Variants in MAGI2 observed in about 807,000 individuals in gnomAD.
The protein encoded by MAGI2 is membrane associated guanylate kinase, WW and PDZ domain containing 2, also known as membrane-associated guanylate kinase, WW and PDZ domain-containing protein 2.
MAGI2 carries 35 observed loss-of-function variants against 133.3 expected under a neutral mutation model. That is an observed-to-expected ratio of 0.26 (90% CI 0.20 to 0.35). The LOEUF (loss-of-function observed/expected upper bound fraction) is 0.35, where lower values mean the gene tolerates loss of function less well. Ranked by LOEUF, MAGI2 falls within the 10% of genes least tolerant of loss-of-function variation. MAGI2 has a pLI of 1.00. For missense variants in MAGI2, 1,636 were observed against 1,863.4 expected, an observed-to-expected ratio of 0.88 and a Z score of 2.25; for synonymous variants, 729 against 710.6, an observed-to-expected ratio of 1.03 and a Z score of -0.41.
chr7:79,186,232 A>ATATATT (rs1827118941), intron 1 of MAGI2, among the ~76,000 whole-genome samples: 2 of 125,028 alleles, frequency 1.6e-5, no homozygotes, highest in Admixed American at 8.0e-5. Flanking sequence ...ATATATATAT[A>ATATATT]TATATATATA....
chr7:79,038,577 G>C (rs1189936261), intron 1 of MAGI2, among the ~76,000 whole-genome samples: 1 of 151,956 alleles, frequency 6.6e-6, no homozygotes, highest in Non-Finnish European at 1.5e-5. Context: ...CTTGTTTTTA[G>C]ACAAAAGGTA....
chr7:78,035,393 G>A (rs561879519), intron 21 of MAGI2, among the ~76,000 whole-genome samples: 1 of 152,272 alleles, frequency 6.6e-6, no homozygotes, highest in South Asian at 2.1e-4. Context: ...AGAGCCTCAG[G>A]GCTCCAGCTT....
At chr7:79,306,694 C>G (rs911292427) in intron 1 of MAGI2, among the ~76,000 whole-genome samples, 7 of 152,136 alleles carry the variant, frequency 4.6e-5, no homozygotes, top group African/African-American at 1.7e-4. Flanking sequence ...CAAACCATGA[C>G]ACTTCAGTGG....
chr7:78,217,338 G>T (rs932521798), intron 10 of MAGI2, among the ~76,000 whole-genome samples: 1 of 152,192 alleles, frequency 6.6e-6, no homozygotes, highest in Non-Finnish European at 1.5e-5. Context: ...TGAGGGCAGG[G>T]ATCTTACGTG....
intron 2 of MAGI2, among the ~76,000 whole-genome samples, chr7:78,718,832 A>G (rs1819979792): frequency 6.6e-6 from 1 of 152,138 alleles, no homozygotes; most frequent in Non-Finnish European, 1.5e-5. Context: ...CCTGGTGCCC[A>G]AAAGGTTAGG....
At position 78,019,703 on chromosome 7, in the gene MAGI2, C is replaced by T. The variant is rs1808125782; in HGVS notation, c.3980G>A (p.Arg1327Lys). ...SASPQRAARPRLEEAPGGQGR... is the reference protein window; with the variant it reads ...SASPQRAARPKLEEAPGGQGR... ...CTGGCCGCCGGGCGCCTCCTCGAGC[C>T]TCGGCCGCGCGGCCCTCTGCGGACT... The change falls in exon 22 of 22, where the codon AGG (arginine) becomes AAG (lysine). Residue 1327 changes from arginine (R) to lysine (K), a missense_variant. Around this residue, in one of 5 missense-constraint regions of MAGI2, gnomAD observed 354 missense variants for 298.7 expected, o/e 1.19. Transcript: ENST00000354212. 1.9e-6 allele frequency: 3 copies of T among 1,574,124 alleles called. No homozygotes were observed. The highest frequency in any genetic ancestry group is 2.8e-5 in the African/African-American group (2 of 72,140).
intron 1 of MAGI2, among the ~76,000 whole-genome samples, chr7:79,253,576 G>A (rs937224512): frequency 6.6e-6 from 1 of 152,022 alleles, no homozygotes; most frequent in Non-Finnish European, 1.5e-5. Context: ...CCAGGAAGCC[G>A]AGGTTTCAGT....
intron 5 of MAGI2, among the ~76,000 whole-genome samples, chr7:78,499,936 G>T (rs1794469616): frequency 6.6e-6 from 1 of 152,086 alleles, no homozygotes; most frequent in African/African-American, 2.4e-5. Flanking sequence ...TTTTTAATAG[G>T]TCACTTTTTT....
intron 10 of MAGI2, among the ~76,000 whole-genome samples, chr7:78,226,026 T>C (rs1311151413): frequency 6.6e-6 from 1 of 152,154 alleles, no homozygotes; most frequent in East Asian, 1.9e-4. Flanking sequence ...AGCCAAATGT[T>C]TGTAAAGAAA....
chr7:79,187,981 G>T (rs552934151), intron 1 of MAGI2, among the ~76,000 whole-genome samples: 1 of 151,908 alleles, frequency 6.6e-6, no homozygotes, highest in African/African-American at 2.4e-5. Context: ...TCCACTAAAA[G>T]GTTTATTTGG....
At chr7:78,552,176 CT>C (rs869196799) in intron 3 of MAGI2, among the ~76,000 whole-genome samples, 1,255 of 90,336 alleles carry the variant, frequency 0.014, 3 homozygotes, top group African/African-American at 0.035. Context: ...ATTTGTTTTC[CT>C]TTTTTTTTTT....
At chr7:79,308,923 A>G (rs577268505) in intron 1 of MAGI2, among the ~76,000 whole-genome samples, 3 of 152,296 alleles carry the variant, frequency 2.0e-5, no homozygotes, top group African/African-American at 7.2e-5. Context: ...TAATAACCTC[A>G]AAATTAATTC....
At chr7:78,115,840 T>G (rs1385067390) in intron 20 of MAGI2, among the ~76,000 whole-genome samples, 1 of 152,162 alleles carries the variant, frequency 6.6e-6, no homozygotes, top group African/African-American at 2.4e-5. Context: ...AGTCAACTGC[T>G]TTTCAAAGAA....
At chr7:78,243,872 A>C (rs1258905760) in intron 10 of MAGI2, among the ~76,000 whole-genome samples, 1 of 152,158 alleles carries the variant, frequency 6.6e-6, no homozygotes, top group African/African-American at 2.4e-5. Flanking sequence ...GTCATATTCC[A>C]GACCCCAAAC....
At chr7:78,993,687 G>T (rs1806005159) in intron 2 of MAGI2, among the ~76,000 whole-genome samples, 1 of 151,862 alleles carries the variant, frequency 6.6e-6, no homozygotes, top group South Asian at 2.1e-4. Context: ...TTCTTCTGTT[G>T]TTCTTTCAGC....
chr7:79,424,165 C>G (rs1466740529), intron 1 of MAGI2, among the ~76,000 whole-genome samples: 1 of 152,010 alleles, frequency 6.6e-6, no homozygotes, highest in Non-Finnish European at 1.5e-5. Flanking sequence ...GCAGTAGAAA[C>G]TTAGACTTTC....
chr7:79,418,824 TACACATACACACACACACAC>T (rs1462069547), intron 1 of MAGI2, among the ~76,000 whole-genome samples: 2 of 119,188 alleles, frequency 1.7e-5, no homozygotes, highest in Non-Finnish European at 3.6e-5. Flanking sequence ...CAAGTTCCAA[TACACATACACACACACACAC>T]ACACACACAC....
At chr7:78,729,027 G>C (rs565777656) in intron 2 of MAGI2, among the ~76,000 whole-genome samples, 196 of 152,104 alleles carry the variant, frequency 1.3e-3, no homozygotes, top group Non-Finnish European at 2.0e-3. Flanking sequence ...GCAGAGTTTT[G>C]TAATCATGTG....
intron 10 of MAGI2, among the ~76,000 whole-genome samples, chr7:78,235,487 T>C (rs1477022690): frequency 6.6e-6 from 1 of 152,180 alleles, no homozygotes; most frequent in Non-Finnish European, 1.5e-5. Context: ...TCATGGGGAC[T>C]GTTACCCCCA....
Sources: gnomAD v4.1 joint callset for allele counts (sites outside exome capture counted in the v4.1 genomes callset) on GRCh38, gnomAD v4.1.1 for gene constraint, gnomAD v4.1.1 regional missense constraint, MANE v1.5 for transcripts, NCBI Gene and HGNC (gene_info 2026-07-23, HGNC 2026-07-21) for gene names.